Variants in KIF16B observed in about 807,000 individuals in gnomAD.
The protein encoded by KIF16B is kinesin family member 16B.
A neutral mutation model predicts 156.3 loss-of-function variants in KIF16B; 98 were observed. That is an observed-to-expected ratio of 0.63 (90% CI 0.53 to 0.74). KIF16B has a LOEUF of 0.74. Ranked by LOEUF, KIF16B falls within the 30% of genes least tolerant of loss-of-function variation. The probability of loss-of-function intolerance (pLI) is 0.00; values close to 1 mark genes in which losing one functional copy is unlikely to be tolerated. For missense variants in KIF16B, 1,421 were observed against 1,606.5 expected (o/e 0.88, Z 1.97); for synonymous variants, 564 against 583.7 (o/e 0.97, Z 0.49).
intron 12 of KIF16B, among the ~76,000 whole-genome samples, chr20:16,439,197 A>C (rs2146513250): frequency 6.6e-6 from 1 of 152,180 alleles, no homozygotes; most frequent in African/African-American, 2.4e-5. Context: ...AATCATCCAC[A>C]ACTTTCCATC....
chr20:16,514,582 G>GAAAAAAAAAAAAAA (rs540602451), intron 4 of KIF16B, among the ~76,000 whole-genome samples: 1 of 76,948 alleles, frequency 1.3e-5, no homozygotes, highest in Non-Finnish European at 2.5e-5. Context: ...TAAGAAATAA[G>GAAAAAAAAAAAAAA]AAAAAAAAAA....
chr20:16,517,268 C>G (rs1260355871), intron 3 of KIF16B, among the ~76,000 whole-genome samples: 1 of 152,236 alleles, frequency 6.6e-6, no homozygotes, highest in Non-Finnish European at 1.5e-5. Flanking sequence ...TCCATTGGGT[C>G]ATTTCCACAA....
chr20:16,319,558 GA>G (rs1026958881), intron 24 of KIF16B, among the ~76,000 whole-genome samples: 1 of 152,212 alleles, frequency 6.6e-6, no homozygotes, highest in African/African-American at 2.4e-5. Context: ...CAGACAGGTG[GA>G]CACAGAGAAT....
intron 12 of KIF16B, among the ~76,000 whole-genome samples, chr20:16,472,160 C>G (rs2067679732): frequency 6.6e-6 from 1 of 152,136 alleles, no homozygotes; most frequent in African/African-American, 2.4e-5. Flanking sequence ...CAGCCATGTC[C>G]CATTTGAGGT....
At chr20:16,497,783 G>C (rs1249714286) in intron 10 of KIF16B, 105 bp from the exon 11 acceptor site, 1 of 873,722 alleles carries the variant, frequency 1.1e-6, no homozygotes, top group Non-Finnish European at 1.8e-6. Context: ...AACTATTAAA[G>C]GTAAAAAGCA....
intron 1 of KIF16B, among the ~76,000 whole-genome samples, chr20:16,548,823 T>G (rs7270025): frequency 0.027 from 4,057 of 152,246 alleles, 134 homozygotes; most frequent in African/African-American, 0.079. Context: ...AGGACCAGCT[T>G]GTTTATGCAG....
intron 22 of KIF16B, among the ~76,000 whole-genome samples, chr20:16,359,410 A>G (rs990576759): frequency 3.3e-5 from 5 of 152,184 alleles, no homozygotes; most frequent in African/African-American, 1.2e-4. Flanking sequence ...ACCTTCCACC[A>G]TGATTGTAAT....
chr20:16,458,847 T>C (rs1417935694), intron 12 of KIF16B, among the ~76,000 whole-genome samples: 3 of 152,066 alleles, frequency 2.0e-5, no homozygotes, highest in South Asian at 2.1e-4. Context: ...ATGAGATGAT[T>C]ACTGGAAAGT....
At chr20:16,429,223 C>G (rs2066436132) in intron 13 of KIF16B, among the ~76,000 whole-genome samples, 1 of 152,184 alleles carries the variant, frequency 6.6e-6, no homozygotes, top group Admixed American at 6.6e-5. Context: ...CCTGCTTTGA[C>G]AGCGTTAAAT....
At position 16,356,429 on chromosome 20, in the gene KIF16B, G is replaced by A. The variant is rs533447502; in HGVS notation, c.3522C>T (p.Gly1174=). ...KYERMVSRSL[G]ANPDDLKDPI... ...GGTCCTTCAGGTCATCTGGATTTGC[G>A]CCCAAAGAGCGAGAAACCATCCGCT... The change falls in exon 23 of 26, where the codon GGC becomes GGT. Residue 1174 remains glycine, a synonymous_variant. Transcript: ENST00000354981. 2.0e-5 allele frequency: 33 copies of A among 1,614,104 alleles called. No individual in the cohort carries two copies. The highest frequency in any genetic ancestry group is 1.7e-4 in the Middle Eastern group (1 of 6,060).
chr20:16,371,862 C>T (rs1412457886), intron 20 of KIF16B, 101 bp from the exon 21 acceptor site: 2 of 723,260 alleles, frequency 2.8e-6, no homozygotes, highest in African/African-American at 1.8e-5. Flanking sequence ...GAGCAATCTC[C>T]TTCTAAATAC....
At chr20:16,325,003 A>G (rs1180109107) in intron 24 of KIF16B, among the ~76,000 whole-genome samples, 6 of 152,150 alleles carry the variant, frequency 3.9e-5, no homozygotes, top group Non-Finnish European at 8.8e-5. Context: ...TAACATACCC[A>G]AGTCAATAAA....
Position 16,353,049 on chromosome 20 carries a change from G to T in KIF16B, c.3621+3281C>A, listed in dbSNP as rs916854543. Reference sequence around the variant, plus strand: ...GATTTTTTAAAAGAGAAGCAGCAAAGATTTTTCTAAATTATAAAGTGTAAT... The same window carrying T: ...GATTTTTTAAAAGAGAAGCAGCAAATATTTTTCTAAATTATAAAGTGTAAT... On this transcript the variant is annotated intron_variant, in intron 23 of 25. Transcript: ENST00000354981. Among the ~76,000 whole-genome samples the T allele has an allele frequency of 7.9e-5, 12 of 152,278 alleles. No individual in the cohort carries two copies. The South Asian group carries it at 8.3e-4, about 11-fold the overall frequency.
At chr20:16,280,842 G>GCGCC (rs775898440) in intron 25 of KIF16B, among the ~76,000 whole-genome samples, 1 of 17,998 alleles carries the variant, frequency 5.6e-5, no homozygotes, top group Non-Finnish European at 9.7e-5. Flanking sequence ...GCGCGCGCAC[G>GCGCC]TGTGTGTGTG....
At chr20:16,472,540 A>C (rs889611399) in intron 12 of KIF16B, among the ~76,000 whole-genome samples, 1 of 131,432 alleles carries the variant, frequency 7.6e-6, no homozygotes, top group African/African-American at 3.0e-5. Context: ...AAGCCTTCCA[A>C]AGCATCTGAA....
chr20:16,441,187 T>TA (rs1184451207), intron 12 of KIF16B, among the ~76,000 whole-genome samples: 1 of 152,196 alleles, frequency 6.6e-6, no homozygotes, highest in African/African-American at 2.4e-5. Flanking sequence ...AGGATTACTT[T>TA]AAGTGGGATG....
At chr20:16,464,182 C>T (rs928544565) in intron 12 of KIF16B, among the ~76,000 whole-genome samples, 7 of 152,118 alleles carry the variant, frequency 4.6e-5, no homozygotes, top group Non-Finnish European at 7.3e-5. Flanking sequence ...ATAACCCACA[C>T]TGGAGGCATT....
chr20:16,314,108 GT>G (rs1290243090), intron 24 of KIF16B, among the ~76,000 whole-genome samples: 3 of 152,164 alleles, frequency 2.0e-5, no homozygotes, highest in African/African-American at 7.2e-5. Context: ...TGGTACAGTG[GT>G]CGTCCTTCTT....
rs1277974132 is a variant in KIF16B at position 16,379,682 on chromosome 20, C to T, written c.2320G>A (p.Glu774Lys). 1 of 1,614,208 alleles carries T rather than the reference C, an allele frequency of 6.2e-7. No homozygotes were observed. Among genetic ancestry groups the T allele is most frequent in the African/African-American group, 1.3e-5 (1 of 75,052 alleles). ...HLEEQLREKQEMIQLLRRGEV... is the reference protein window; with the variant it reads ...HLEEQLREKQKMIQLLRRGEV... The stretch of plus-strand genomic sequence containing the variant: ...CCACGCCGCAGGAGCTGGATCATCT[C>T]CTGCTTCTCTCGGAGCTGCTCTTCC... Residue 774 changes from glutamate (E) to lysine (K), a missense_variant, in exon 19 of 26, where the codon GAG becomes AAG. Physicochemically the swap from Glu to Lys is moderately conservative, Grantham distance 56 (BLOSUM62 1). Coordinates refer to ENST00000354981, the MANE Select transcript of KIF16B (RefSeq NM_024704.5).
Sources: allele counts gnomAD v4.1 joint callset (sites outside exome capture counted in the v4.1 genomes callset), GRCh38; gene constraint gnomAD v4.1.1; transcripts MANE v1.5; gene names NCBI Gene and HGNC (gene_info 2026-07-23, HGNC 2026-07-21).